Variants in SCHIP1 observed in about 807,000 individuals in gnomAD.
The protein encoded by SCHIP1 is schwannomin-interacting protein 1.
In SCHIP1, 8 loss-of-function variants were observed where a neutral mutation model predicts 29.7. That is an observed-to-expected ratio of 0.27 (90% confidence interval 0.16 to 0.49). The LOEUF is 0.49. Among genes scored for constraint, SCHIP1 ranks in the 20% least tolerant of loss-of-function variants. SCHIP1 has a pLI of 0.99. For synonymous variants in SCHIP1, 76 were observed against 94.9 expected (o/e 0.80, Z 1.16); for missense variants, 193 against 294.6 (o/e 0.66, Z 2.52).
the SCHIP1 span, among the ~76,000 whole-genome samples, chr3:159,580,236 T>C: frequency 6.6e-6 from 1 of 152,218 alleles, no homozygotes; most frequent in African/African-American, 2.4e-5. Flanking sequence ...CTGAGGGCTC[T>C]ACCAGGATTC....
At chr3:159,591,250 C>G in the SCHIP1 span, among the ~76,000 whole-genome samples, 42 of 151,942 alleles carry the variant, frequency 2.8e-4, no homozygotes, top group Non-Finnish European at 5.0e-4. Context: ...ATTTGAATAC[C>G]CTTTATTTCT....
chr3:159,687,395 CTA>C, the SCHIP1 span, among the ~76,000 whole-genome samples: 1 of 152,072 alleles, frequency 6.6e-6, no homozygotes, highest in African/African-American at 2.4e-5. Flanking sequence ...AGAAAATATT[CTA>C]TGTTTACTGA....
At chr3:159,446,106 T>G in the SCHIP1 span, among the ~76,000 whole-genome samples, 1 of 152,074 alleles carries the variant, frequency 6.6e-6, no homozygotes, top group African/African-American at 2.4e-5. Flanking sequence ...GGATGTCAAC[T>G]TTTACCCTTT....
At chr3:159,348,489 G>A in the SCHIP1 span, among the ~76,000 whole-genome samples, 5 of 151,994 alleles carry the variant, frequency 3.3e-5, no homozygotes, top group South Asian at 2.1e-4. Flanking sequence ...TATCTAACTC[G>A]TACTTTTTAT....
chr3:159,717,383 A>G, the SCHIP1 span, among the ~76,000 whole-genome samples: 2 of 152,152 alleles, frequency 1.3e-5, no homozygotes, highest in Non-Finnish European at 2.9e-5. Flanking sequence ...ACTAAGATCA[A>G]AGCAGAACTG....
chr3:159,879,831 C>T (rs1716257003), intron 2 of SCHIP1, among the ~76,000 whole-genome samples: 1 of 152,152 alleles, frequency 6.6e-6, no homozygotes, highest in Non-Finnish European at 1.5e-5. Flanking sequence ...GGTTAGGATA[C>T]AGGGGCGATG....
At chr3:159,705,380 T>A in the SCHIP1 span, among the ~76,000 whole-genome samples, 1 of 152,142 alleles carries the variant, frequency 6.6e-6, no homozygotes, top group South Asian at 2.1e-4. Flanking sequence ...AGAGAATAAA[T>A]GGTACATGTT....
the SCHIP1 span, among the ~76,000 whole-genome samples, chr3:159,445,882 G>C: frequency 2.6e-5 from 3 of 117,248 alleles, 1 homozygote; most frequent in African/African-American, 9.7e-5. Context: ...GTTGTGGGGT[G>C]GGGGGAGGGG....
the SCHIP1 span, among the ~76,000 whole-genome samples, chr3:159,695,065 C>T: frequency 2.0e-5 from 3 of 152,148 alleles, no homozygotes; most frequent in Non-Finnish European, 2.9e-5. Context: ...ATGAAATCAT[C>T]GTCTGTATAT....
At chr3:159,548,682 C>G in the SCHIP1 span, among the ~76,000 whole-genome samples, 1 of 151,954 alleles carries the variant, frequency 6.6e-6, no homozygotes, top group Non-Finnish European at 1.5e-5. Context: ...TTCCCTTCTA[C>G]TAAATATATC....
chr3:159,394,942 G>A, the SCHIP1 span, among the ~76,000 whole-genome samples: 124 of 152,168 alleles, frequency 8.1e-4, no homozygotes, highest in African/African-American at 2.8e-3. Flanking sequence ...ATCCGTCTGG[G>A]CCTGGACTCT....
chr3:159,814,958 T>G, the SCHIP1 span, among the ~76,000 whole-genome samples: 1 of 152,182 alleles, frequency 6.6e-6, no homozygotes, highest in Non-Finnish European at 1.5e-5. Flanking sequence ...CTAAGTTTAA[T>G]TGATTTCTGA....
At chr3:159,510,190 C>G in the SCHIP1 span, among the ~76,000 whole-genome samples, 1 of 152,074 alleles carries the variant, frequency 6.6e-6, no homozygotes, top group Admixed American at 6.6e-5. Flanking sequence ...TTTCTCTAAA[C>G]TTCTCTTCTC....
At chr3:159,753,930 T>TA in the SCHIP1 span, among the ~76,000 whole-genome samples, 1 of 152,204 alleles carries the variant, frequency 6.6e-6, no homozygotes, top group African/African-American at 2.4e-5. Context: ...CATTTCCTGA[T>TA]ACCTCCCCCA....
chr3:159,678,502 AAC>A, the SCHIP1 span, among the ~76,000 whole-genome samples: 1 of 152,246 alleles, frequency 6.6e-6, no homozygotes, highest in Non-Finnish European at 1.5e-5. Context: ...AAAACTTATT[AAC>A]ATTGATAAAA....
At chr3:159,491,330 G>A in the SCHIP1 span, among the ~76,000 whole-genome samples, 2 of 152,250 alleles carry the variant, frequency 1.3e-5, no homozygotes, top group Admixed American at 6.5e-5. Context: ...GGAAGCACAA[G>A]GGGTCAGGGA....
the SCHIP1 span, among the ~76,000 whole-genome samples, chr3:159,641,940 A>G: frequency 6.5e-4 from 99 of 152,276 alleles, no homozygotes; most frequent in South Asian, 0.01. Flanking sequence ...CTTGAACTAG[A>G]TCTTCAAACA....
At position 159,857,303 on chromosome 3, in the gene SCHIP1, G is replaced by A. The variant is rs190634622; in HGVS notation, c.31-8860G>A. 1.2e-4 allele frequency among the ~76,000 whole-genome samples: 18 copies of A among 152,172 alleles called. No individual in the cohort carries two copies. The East Asian group carries it at 2.7e-3, about 23-fold the overall frequency. ...TTCTCACACACACATGCACACAAAC[G>A]TGCACACACATGTCCCCTTCCATGT... On this transcript the variant is annotated intron_variant, in intron 1 of 6. Transcript: ENST00000445224.
the SCHIP1 span, among the ~76,000 whole-genome samples, chr3:159,361,731 T>G: frequency 6.6e-6 from 1 of 151,872 alleles, no homozygotes; most frequent in Admixed American, 6.6e-5. Flanking sequence ...AGGAGAAGAG[T>G]TGGATTCTGG....
Sources: gnomAD v4.1 joint callset for allele counts (sites outside exome capture counted in the v4.1 genomes callset) on GRCh38, gnomAD v4.1.1 for gene constraint, MANE v1.5 for transcripts, NCBI Gene and HGNC (gene_info 2026-07-23, HGNC 2026-07-21) for gene names.